The following SGCZ variants were observed in gnomAD, a reference collection of about 807,000 sequenced individuals.
SGCZ encodes sarcoglycan zeta, also known as zeta-sarcoglycan.
Under a neutral mutation model 41.3 loss-of-function variants are expected in SGCZ, and 40 were observed. That is an observed-to-expected ratio of 0.97 (90% confidence interval 0.75 to 1.26). The LOEUF (loss-of-function observed/expected upper bound fraction) is 1.26, where lower values mean the gene tolerates loss of function less well. Among genes scored for constraint, SGCZ ranks in the 50% most tolerant of loss-of-function variants. The pLI is 0.00. For synonymous variants in SGCZ, 206 were observed against 137.5 expected, an observed-to-expected ratio of 1.50 and a Z score of -3.49; for missense variants, 552 against 369.8, an observed-to-expected ratio of 1.49 and a Z score of -4.04.
chr8:14,522,130 G>T (rs891642873), intron 2 of SGCZ, among the ~76,000 whole-genome samples: 1 of 151,990 alleles, frequency 6.6e-6, no homozygotes, highest in Non-Finnish European at 1.5e-5. Context: ...TGCTCATGGT[G>T]CATAATGCTT....
intron 2 of SGCZ, among the ~76,000 whole-genome samples, chr8:14,442,207 A>T: frequency 6.6e-6 from 1 of 152,170 alleles, no homozygotes; most frequent in Non-Finnish European, 1.5e-5. Context: ...CCCATGTGTC[A>T]TGGGAGGTAC....
At chr8:14,946,584 A>G (rs1482004282) in intron 1 of SGCZ, among the ~76,000 whole-genome samples, 1 of 151,750 alleles carries the variant, frequency 6.6e-6, no homozygotes, top group Non-Finnish European at 1.5e-5. Context: ...GGCACAATGT[A>G]TGCATACACA....
At chr8:15,060,314 AT>A (rs1382918606) in intron 1 of SGCZ, among the ~76,000 whole-genome samples, 1 of 152,086 alleles carries the variant, frequency 6.6e-6, no homozygotes, top group African/African-American at 2.4e-5. Flanking sequence ...TGTGGCACAT[AT>A]ACACCATGGA....
chr8:14,602,103 G>A (rs1246956234), intron 1 of SGCZ, among the ~76,000 whole-genome samples: 10 of 151,894 alleles, frequency 6.6e-5, no homozygotes, highest in Non-Finnish European at 1.3e-4. Flanking sequence ...CTGGGCGACA[G>A]AGCGAGTCTC....
intron 3 of SGCZ, among the ~76,000 whole-genome samples, chr8:14,303,744 A>G (rs1388544455): frequency 6.6e-6 from 1 of 152,082 alleles, no homozygotes; most frequent in African/African-American, 2.4e-5. Context: ...AGATATCAAA[A>G]TATCAAATAT....
intron 7 of SGCZ, among the ~76,000 whole-genome samples, chr8:14,096,836 G>A (rs1801861254): frequency 6.6e-6 from 1 of 152,122 alleles, no homozygotes; most frequent in Non-Finnish European, 1.5e-5. Context: ...GTCTTGGGAA[G>A]GTGTATGTGT....
At chr8:14,662,357 T>C (rs1234719960) in intron 1 of SGCZ, among the ~76,000 whole-genome samples, 1 of 152,202 alleles carries the variant, frequency 6.6e-6, no homozygotes, top group Non-Finnish European at 1.5e-5. Flanking sequence ...TGTTTCCTCA[T>C]GTGAAATGGG....
intron 2 of SGCZ, among the ~76,000 whole-genome samples, chr8:14,470,250 A>T (rs979695669): frequency 2.0e-5 from 3 of 152,126 alleles, no homozygotes; most frequent in Non-Finnish European, 4.4e-5. Flanking sequence ...TAGAAAAAAA[A>T]ATGCTGAGTT....
At position 14,090,200 on chromosome 8, in the gene SGCZ, A is replaced by G. The variant is rs1376952545; in HGVS notation, c.*243T>C. ...CCTATGTTATTCTCCCTTTCGAGCA[A>G]AAGTCATGATCCAGTTTTCCTGCTG... On this transcript the variant is annotated 3_prime_UTR_variant, in exon 8 of 8. Transcript: ENST00000382080. The G allele has an allele frequency of 5.7e-6, 2 of 350,476 alleles. No individual in the cohort carries two copies. Among genetic ancestry groups the G allele is most frequent in the East Asian group, 8.8e-5 (2 of 22,772 alleles). The allele number at this position is 350,476 out of a possible 1,614,324, so 21.7% of individuals were successfully genotyped here.
At chr8:14,893,267 G>C (rs937693303) in intron 1 of SGCZ, among the ~76,000 whole-genome samples, 1 of 152,064 alleles carries the variant, frequency 6.6e-6, no homozygotes. Context: ...AAAAGCAAAG[G>C]AATGTGGGGA....
intron 1 of SGCZ, among the ~76,000 whole-genome samples, chr8:14,568,793 A>C (rs569842806): frequency 3.8e-4 from 58 of 152,346 alleles, no homozygotes; most frequent in Middle Eastern, 3.4e-3. Context: ...CCGTAGTGCC[A>C]TTTACTCCAT....
At chr8:15,217,845 T>A (rs1439345994) in intron 1 of SGCZ, among the ~76,000 whole-genome samples, 2 of 152,160 alleles carry the variant, frequency 1.3e-5, no homozygotes, top group Non-Finnish European at 2.9e-5. Context: ...CCCAGCACTT[T>A]GGGAGGCTGA....
At chr8:14,970,811 T>G (rs1356611082) in intron 1 of SGCZ, among the ~76,000 whole-genome samples, 3 of 152,194 alleles carry the variant, frequency 2.0e-5, no homozygotes, top group Non-Finnish European at 4.4e-5. Flanking sequence ...GAATTTGTGT[T>G]TGTCAATTCT....
chr8:14,198,589 A>T (rs1254618163), intron 4 of SGCZ, among the ~76,000 whole-genome samples: 1 of 101,006 alleles, frequency 9.9e-6, no homozygotes, highest in African/African-American at 4.7e-5. Context: ...CAGAATCTAA[A>T]ATAAAAGTTG....
At chr8:14,189,103 C>T (rs544656626) in intron 4 of SGCZ, among the ~76,000 whole-genome samples, 1 of 151,826 alleles carries the variant, frequency 6.6e-6, no homozygotes, top group Non-Finnish European at 1.5e-5. Flanking sequence ...AGGCCATCCA[C>T]CCGTCTCAGC....
chr8:14,273,630 C>T (rs1800129314), intron 3 of SGCZ, among the ~76,000 whole-genome samples: 1 of 152,070 alleles, frequency 6.6e-6, no homozygotes, highest in Non-Finnish European at 1.5e-5. Context: ...GTGTTTTAAA[C>T]CTTTAACAAG....
chr8:14,876,320 A>G (rs866804810), intron 1 of SGCZ, among the ~76,000 whole-genome samples: 2 of 152,220 alleles, frequency 1.3e-5, no homozygotes, highest in Admixed American at 6.6e-5. Context: ...ACAACATAGC[A>G]TTACAAAACT....
chr8:14,776,070 A>T (rs1382857362), intron 1 of SGCZ, among the ~76,000 whole-genome samples: 1 of 152,210 alleles, frequency 6.6e-6, no homozygotes, highest in Non-Finnish European at 1.5e-5. Context: ...TTCAAAAGTT[A>T]AAAAATGGTG....
chr8:14,895,191 G>A (rs921186598), intron 1 of SGCZ, among the ~76,000 whole-genome samples: 5 of 152,110 alleles, frequency 3.3e-5, no homozygotes, highest in African/African-American at 1.2e-4. Context: ...AATAACAGTT[G>A]TTGCCAACTA....
Sources: allele counts gnomAD v4.1 joint callset (sites outside exome capture counted in the v4.1 genomes callset), GRCh38; gene constraint gnomAD v4.1.1; transcripts MANE v1.5; gene names NCBI Gene and HGNC (gene_info 2026-07-23, HGNC 2026-07-21).